CCDC149: variants seen among roughly 807,000 people sequenced by gnomAD.
CCDC149 encodes coiled-coil domain-containing protein 149.
In CCDC149, 45 loss-of-function variants were observed where a neutral mutation model predicts 59.9. The ratio of observed to expected loss-of-function variants is 0.75; its 90% CI spans 0.59 to 0.96. The LOEUF is 0.96. Among genes scored for constraint, CCDC149 ranks in the 40% least tolerant of loss-of-function variants. CCDC149 has a pLI of 0.00. For missense variants in CCDC149, 584 were observed against 664.7 expected (o/e 0.88, Z 1.33); for synonymous variants, 245 against 260.6 (o/e 0.94, Z 0.58).
chr4:24,814,662 C>T (rs1046237944), intron 12 of CCDC149, among the ~76,000 whole-genome samples: 50 of 152,226 alleles, frequency 3.3e-4, no homozygotes, highest in African/African-American at 1.1e-3. Flanking sequence ...AGCAGCACTG[C>T]AGGCTTGAAG....
upstream of CCDC149, among the ~76,000 whole-genome samples, chr4:24,914,506 T>C (rs1722063997): frequency 1.3e-5 from 2 of 151,892 alleles, no homozygotes; most frequent in African/African-American, 4.8e-5. Flanking sequence ...CTGGTTAAGG[T>C]AGGATTCCCA....
intron 3 of CCDC149, among the ~76,000 whole-genome samples, chr4:24,869,944 T>C (rs1718935714): frequency 6.6e-6 from 1 of 152,160 alleles, no homozygotes; most frequent in East Asian, 1.9e-4. Flanking sequence ...AGACCAGGAA[T>C]GGGAGCAAGT....
At chr4:24,913,923 A>T (rs1174691362), upstream of CCDC149, among the ~76,000 whole-genome samples, 1 of 152,244 alleles carries the variant, frequency 6.6e-6, no homozygotes, top group Non-Finnish European at 1.5e-5. Flanking sequence ...TGTTCCTGTG[A>T]CACCTAAAAT....
chr4:24,908,132 T>A (rs1343648694), intron 1 of CCDC149, among the ~76,000 whole-genome samples: 3 of 152,188 alleles, frequency 2.0e-5, no homozygotes, highest in Non-Finnish European at 4.4e-5. Flanking sequence ...CAGGTGTTTG[T>A]GTGGTGGCAG....
chr4:24,889,011 G>GC (rs2109279540), intron 1 of CCDC149, among the ~76,000 whole-genome samples: 1 of 151,982 alleles, frequency 6.6e-6, no homozygotes, highest in Non-Finnish European at 1.5e-5. Flanking sequence ...TTATTTGAAT[G>GC]CCCCAGGGGA....
chr4:24,885,427 C>T (rs1181721155), intron 1 of CCDC149, among the ~76,000 whole-genome samples: 4 of 152,198 alleles, frequency 2.6e-5, no homozygotes, highest in African/African-American at 7.2e-5. Context: ...GTCAGGCCTA[C>T]AGAGAACACA....
At chr4:24,931,676 T>C (rs1259422541) in intron 1 of CCDC149, among the ~76,000 whole-genome samples, 1 of 151,724 alleles carries the variant, frequency 6.6e-6, no homozygotes, top group East Asian at 1.9e-4. Flanking sequence ...GTGGAGGTTA[T>C]GCAGTGCATA....
At chr4:24,921,809 G>A (rs115601505) in intron 1 of CCDC149, among the ~76,000 whole-genome samples, 2,310 of 152,260 alleles carry the variant, frequency 0.015, 20 homozygotes, top group Non-Finnish European at 0.024. Flanking sequence ...AGCTAGTAAG[G>A]GGTGGGTCCA....
intron 1 of CCDC149, among the ~76,000 whole-genome samples, chr4:24,954,735 G>A (rs1723412984): frequency 6.6e-6 from 1 of 152,168 alleles, no homozygotes; most frequent in African/African-American, 2.4e-5. Context: ...TAGCACTCTG[G>A]GCCTGTGATA....
intron 1 of CCDC149, among the ~76,000 whole-genome samples, chr4:24,948,475 C>T (rs1723186497): frequency 6.6e-6 from 1 of 152,222 alleles, no homozygotes; most frequent in African/African-American, 2.4e-5. Flanking sequence ...TCTCACCCTG[C>T]TCTTGCTCCA....
At chr4:24,816,018 G>A (rs1714992198) in intron 12 of CCDC149, among the ~76,000 whole-genome samples, 1 of 152,002 alleles carries the variant, frequency 6.6e-6, no homozygotes, top group African/African-American at 2.4e-5. Context: ...GTCTAGGACA[G>A]GACTGTAAGT....
intron 11 of CCDC149, 59 bp downstream of exon 11, chr4:24,820,996 G>A: frequency 1.0e-6 from 1 of 953,232 alleles, no homozygotes; most frequent in East Asian, 3.3e-5. Context: ...TACATGCAGG[G>A]ATGACATAAT....
chr4:24,929,775 A>C (rs1722532519), intron 1 of CCDC149, among the ~76,000 whole-genome samples: 1 of 152,128 alleles, frequency 6.6e-6, no homozygotes, highest in Admixed American at 6.5e-5. Flanking sequence ...GAAAAGTCTT[A>C]TCTGAGCCTC....
chr4:24,934,624 G>A (rs1003281886), intron 1 of CCDC149, among the ~76,000 whole-genome samples: 1 of 152,166 alleles, frequency 6.6e-6, no homozygotes, highest in Non-Finnish European at 1.5e-5. Context: ...TACAAAGAGT[G>A]ACTGGGAGTA....
At chr4:24,815,090 G>T (rs1714926524) in intron 12 of CCDC149, among the ~76,000 whole-genome samples, 1 of 152,096 alleles carries the variant, frequency 6.6e-6, no homozygotes. Flanking sequence ...ATAATAAATA[G>T]CTTATTAAAT....
At chr4:24,898,440 A>T (rs1004000127) in intron 1 of CCDC149, among the ~76,000 whole-genome samples, 3 of 152,134 alleles carry the variant, frequency 2.0e-5, no homozygotes, top group Non-Finnish European at 4.4e-5. Context: ...GCTGGCCGGG[A>T]CATTGGGCAT....
intron 1 of CCDC149, among the ~76,000 whole-genome samples, chr4:24,896,300 G>T (rs1345892693): frequency 6.6e-6 from 1 of 152,218 alleles, no homozygotes; most frequent in Non-Finnish European, 1.5e-5. Context: ...CTACATCCTG[G>T]TGGACTGTAT....
intron 10 of CCDC149, 80 bp downstream of exon 10, chr4:24,822,417 T>C (rs1715465297): frequency 2.2e-6 from 2 of 900,404 alleles, no homozygotes; most frequent in African/African-American, 1.7e-5. Context: ...TAGAAGACTC[T>C]TGTAAATTAC....
At chr4:24,834,843 G>A (rs1031505344) in intron 8 of CCDC149, 105 bp downstream of exon 8, 21 of 720,566 alleles carry the variant, frequency 2.9e-5, no homozygotes, top group African/African-American at 5.4e-5. Context: ...TCTATGGATC[G>A]CCTCAGTTCC....
Sources: allele counts gnomAD v4.1 joint callset (sites outside exome capture counted in the v4.1 genomes callset), GRCh38; gene constraint gnomAD v4.1.1; transcripts MANE v1.5; gene names NCBI Gene and HGNC (gene_info 2026-07-23, HGNC 2026-07-21).